The following ST3GAL3 variants were observed in gnomAD, a reference collection of about 807,000 sequenced individuals.
The protein encoded by ST3GAL3 is ST3 beta-galactoside alpha-2,3-sialyltransferase 3.
Under a neutral mutation model 50.1 loss-of-function variants are expected in ST3GAL3, and 21 were observed. The observed-to-expected ratio is 0.42, with a 90% CI of 0.30 to 0.60. The LOEUF is 0.60. Among genes scored for constraint, ST3GAL3 ranks in the 20% least tolerant of loss-of-function variants. ST3GAL3 has a pLI of 0.19. For synonymous variants in ST3GAL3, 183 were observed against 190.0 expected, an observed-to-expected ratio of 0.96 and a Z score of 0.30; for missense variants, 353 against 489.4, an observed-to-expected ratio of 0.72 and a Z score of 2.63.
intron 5 of ST3GAL3, among the ~76,000 whole-genome samples, chr1:43,878,235 A>T (rs1310025799): frequency 6.6e-6 from 1 of 152,180 alleles, no homozygotes; most frequent in Non-Finnish European, 1.5e-5. Flanking sequence ...TCCTCTAAGG[A>T]TTCACAATGG....
intron 2 of ST3GAL3, among the ~76,000 whole-genome samples, chr1:43,767,127 G>A (rs1693369599): frequency 6.6e-6 from 1 of 152,152 alleles, no homozygotes; most frequent in African/African-American, 2.4e-5. Context: ...AAAAGAGGTA[G>A]GGATACCAAT....
chr1:43,770,102 T>C (rs1265492425), intron 2 of ST3GAL3, among the ~76,000 whole-genome samples: 2 of 151,886 alleles, frequency 1.3e-5, no homozygotes, highest in African/African-American at 4.8e-5. Flanking sequence ...ATTTTTGAAA[T>C]GGAAATATGC....
chr1:43,863,137 ACTGT>A (rs984255226), intron 5 of ST3GAL3, among the ~76,000 whole-genome samples: 3 of 152,204 alleles, frequency 2.0e-5, no homozygotes, highest in Admixed American at 2.0e-4. Context: ...GTCCCAGCTC[ACTGT>A]CTGGGGGAAG....
rs544078332 is a variant in ST3GAL3 at position 43,805,899 on chromosome 1, C to A, written c.167-8992C>A. 5.8e-4 allele frequency among the ~76,000 whole-genome samples: 89 copies of A among 152,274 alleles called. 1 individual carries two copies. Among genetic ancestry groups the A allele is most frequent in the African/African-American group, 2.0e-3 (83 of 41,542 alleles). ...TACAGGCACGCACCACCACACCCGG[C>A]TAATTTTTGTATTTTTAGTAGAAAC... On this transcript the variant is annotated intron_variant, in intron 3 of 11. Coordinates refer to ENST00000347631, the MANE Select transcript of ST3GAL3 (RefSeq NM_006279.5).
rs780509704 is a variant in ST3GAL3, at chr1:43,878,951, A to G, written c.303-15432A>G. The stretch of plus-strand genomic sequence containing the variant: ...TCACATGGAGACCCTCCAGATAATT[A>G]CACCCTCCAGATAATAACAAACAAG... On this transcript the variant is annotated intron_variant, in intron 5 of 11. Coordinates refer to ENST00000347631, the MANE Select transcript of ST3GAL3 (RefSeq NM_006279.5). The G allele has an allele frequency of 1.0e-4, 46 of 450,890 alleles. 3 individuals carry two copies. In the Middle Eastern group the frequency reaches 7.6e-3, roughly 74 times the overall value. 27.9% of individuals were successfully genotyped at this position (450,890 alleles called of 1,614,324 possible). A position where few individuals can be genotyped will look rare whatever the true frequency, so the allele number is the denominator to read the frequency against.
intron 2 of ST3GAL3, among the ~76,000 whole-genome samples, chr1:43,743,083 C>T (rs1366657820): frequency 4.6e-5 from 2 of 43,384 alleles, no homozygotes; most frequent in East Asian, 6.3e-4. Context: ...AGCGAGACTC[C>T]GTCTCAAAAA....
chr1:43,847,213 G>A (rs2066403007), intron 5 of ST3GAL3, among the ~76,000 whole-genome samples: 1 of 152,192 alleles, frequency 6.6e-6, no homozygotes, highest in South Asian at 2.1e-4. Context: ...AATGTAAAAT[G>A]TACAACAACT....
intron 5 of ST3GAL3, chr1:43,851,624 A>T: frequency 7.7e-7 from 1 of 1,290,632 alleles, no homozygotes; most frequent in East Asian, 2.3e-5. Flanking sequence ...ACTCTCCTTA[A>T]TGATGTTGTA....
At chr1:43,887,218 T>G (rs1271792785) in intron 5 of ST3GAL3, among the ~76,000 whole-genome samples, 1 of 152,126 alleles carries the variant, frequency 6.6e-6, no homozygotes, top group African/African-American at 2.4e-5. Context: ...TGCACTTTAG[T>G]GTATATGTGT....
chr1:43,904,257 G>C (rs952960336), intron 9 of ST3GAL3, among the ~76,000 whole-genome samples: 2 of 152,028 alleles, frequency 1.3e-5, no homozygotes, highest in Non-Finnish European at 2.9e-5. Context: ...GGCCCAAATG[G>C]GGATTGAATG....
At chr1:43,849,629 A>T (rs1335457596) in intron 5 of ST3GAL3, among the ~76,000 whole-genome samples, 1 of 152,216 alleles carries the variant, frequency 6.6e-6, no homozygotes, top group South Asian at 2.1e-4. Context: ...GGAGTTGGTT[A>T]TCTCAGGTGG....
At chr1:43,717,747 A>G (rs190327902) in intron 1 of ST3GAL3, among the ~76,000 whole-genome samples, 2 of 151,984 alleles carry the variant, frequency 1.3e-5, no homozygotes, top group Admixed American at 6.6e-5. Context: ...AACTCAAGTG[A>G]TATGCCCACC....
At chr1:43,879,655 A>G (rs1453258928) in intron 5 of ST3GAL3, 1 of 337,858 alleles carries the variant, frequency 3.0e-6, no homozygotes, top group South Asian at 2.3e-5. Flanking sequence ...TTGTTTGTAA[A>G]ATAGGTGTTG....
At chr1:43,760,406 A>G (rs1689819671) in intron 2 of ST3GAL3, among the ~76,000 whole-genome samples, 1 of 152,236 alleles carries the variant, frequency 6.6e-6, no homozygotes, top group Non-Finnish European at 1.5e-5. Flanking sequence ...TAACTCAGTG[A>G]ACCCATAATG....
At chr1:43,904,860 T>TAC (rs2078938183) in intron 9 of ST3GAL3, among the ~76,000 whole-genome samples, 1 of 127,872 alleles carries the variant, frequency 7.8e-6, no homozygotes, top group Non-Finnish European at 1.6e-5. Context: ...CCACTCTTCC[T>TAC]CCTCCTCCTC....
intron 5 of ST3GAL3, chr1:43,842,118 A>G (rs1447916002): frequency 6.6e-6 from 1 of 152,190 alleles, no homozygotes; most frequent in Non-Finnish European, 1.5e-5. Flanking sequence ...TCAATCTGAG[A>G]CCTTGTTGGC....
At chr1:43,885,362 G>A (rs754630740) in intron 5 of ST3GAL3, among the ~76,000 whole-genome samples, 3 of 152,164 alleles carry the variant, frequency 2.0e-5, no homozygotes, top group Non-Finnish European at 4.4e-5. Context: ...TGCAACTTCC[G>A]TCTCCTCCTT....
At chr1:43,918,310 G>T (rs1290436462) in intron 9 of ST3GAL3, among the ~76,000 whole-genome samples, 8 of 151,594 alleles carry the variant, frequency 5.3e-5, no homozygotes, top group African/African-American at 1.9e-4. Context: ...TAGAGACAGG[G>T]TTTCTCCACA....
rs746724118 is a variant in ST3GAL3 at position 43,892,804 on chromosome 1, G to A, written c.303-1579G>A. 4.6e-5 allele frequency among the ~76,000 whole-genome samples: 7 copies of A among 152,158 alleles called. No individual in the cohort carries two copies. In the East Asian group the frequency reaches 7.7e-4, roughly 17 times the overall value. On this transcript the variant is annotated intron_variant, in intron 5 of 11. Transcript: ENST00000347631. ...TTCCAGAAATTTTATAAGCTCAGTC[G>A]TGACACAGAAGAAGAGGTTCTTGGT...
Sources: gnomAD v4.1 joint callset for allele counts (sites outside exome capture counted in the v4.1 genomes callset) on GRCh38, gnomAD v4.1.1 for gene constraint, MANE v1.5 for transcripts, NCBI Gene and HGNC (gene_info 2026-07-23, HGNC 2026-07-21) for gene names.